Variants in KCNJ6 observed in about 807,000 individuals in gnomAD.
The protein encoded by KCNJ6 is G protein-activated inward rectifier potassium channel 2.
A neutral mutation model predicts 34.2 loss-of-function variants in KCNJ6; 9 were observed. The observed-to-expected ratio is 0.26, with a 90% CI of 0.16 to 0.46. The LOEUF (loss-of-function observed/expected upper bound fraction) is 0.46, where lower values mean the gene tolerates loss of function less well. KCNJ6 is among the 20% of genes least tolerant of loss of function. The probability of loss-of-function intolerance (pLI) is 1.00; values close to 1 mark genes in which losing one functional copy is unlikely to be tolerated. For synonymous variants in KCNJ6, 196 were observed against 207.1 expected (o/e 0.95, Z 0.46); for missense variants, 236 against 531.3 (o/e 0.44, Z 5.46).
intron 2 of KCNJ6, among the ~76,000 whole-genome samples, chr21:37,823,818 C>T (rs958488665): frequency 6.6e-6 from 1 of 152,108 alleles, no homozygotes. Context: ...TGGTGGTTCC[C>T]AGAGGCTAAG....
chr21:37,623,866 G>C lies in KCNJ6; in HGVS notation c.*1293C>G, dbSNP rs1414100341. On this transcript the variant is annotated 3_prime_UTR_variant, in exon 4 of 4. Coordinates refer to ENST00000609713, the MANE Select transcript of KCNJ6 (RefSeq NM_002240.5). ...TGCTGATGGATAAGCCCCAGGGACA[G>C]GCGAGATGTCATTCTCAGAAAGCCA... is the stretch of plus-strand genomic sequence containing the variant. The C allele has an allele frequency of 6.6e-6, 1 of 152,214 alleles. No homozygotes were observed. The highest frequency in any genetic ancestry group is 1.5e-5 in the Non-Finnish European group (1 of 68,038). The allele number at this position is 152,214 out of a possible 1,614,324, so 9.4% of individuals were successfully genotyped here. A position where few individuals can be genotyped will look rare whatever the true frequency, so the allele number is the denominator to read the frequency against.
rs1348710346 is a variant in KCNJ6, at chr21:37,617,129, T to TTCTG, written c.*8029_*8030insCAGA. 3 of 111,484 alleles carry TTCTG rather than the reference T, an allele frequency of 2.7e-5. No individual in the cohort carries two copies. In the East Asian group the frequency reaches 9.9e-4, roughly 37 times the overall value. 6.9% of individuals were successfully genotyped at this position (111,484 alleles called of 1,614,324 possible). On this transcript the variant is annotated 3_prime_UTR_variant, in exon 4 of 4. Transcript: ENST00000609713. ...CTTTCTTTCCTTCTTCCTTCCTTCC[T>TTCTG]TCTTTCTTTCCTTCCTTCCTTCCTT...
chr21:37,696,046 T>C (rs1231410428), intron 3 of KCNJ6, among the ~76,000 whole-genome samples: 3 of 152,222 alleles, frequency 2.0e-5, no homozygotes, highest in African/African-American at 7.2e-5. Context: ...CATACTGATA[T>C]AGATAGATCA....
rs1478602241 is a variant in KCNJ6, at chr21:37,859,480, TATTAC to T, written c.-27-18776_-27-18772del. Among the ~76,000 whole-genome samples the T allele has an allele frequency of 2.5e-5, 3 of 120,684 alleles. 1 individual carries two copies. The highest frequency in any genetic ancestry group is 1.0e-4 in the African/African-American group (3 of 29,830). 79.2% of individuals were successfully genotyped at this position (120,684 alleles called of 152,430 possible). ...GTCCACAATTTTAACTATGGGCTTA[TATTAC>T]TTTATATATATATATATATATATAT... On this transcript the variant is annotated intron_variant, in intron 1 of 3. Coordinates refer to ENST00000609713, the MANE Select transcript of KCNJ6 (RefSeq NM_002240.5).
At chr21:37,751,775 A>G (rs1045953659) in intron 2 of KCNJ6, among the ~76,000 whole-genome samples, 13 of 152,238 alleles carry the variant, frequency 8.5e-5, no homozygotes, top group Admixed American at 6.5e-5. Flanking sequence ...CTCATCACAA[A>G]CCAATGTAGT....
At chr21:37,796,780 T>TTTCTTTC (rs1491302035) in intron 2 of KCNJ6, among the ~76,000 whole-genome samples, 1 of 37,138 alleles carries the variant, frequency 2.7e-5, no homozygotes, top group African/African-American at 1.3e-4. Flanking sequence ...TCTTTCTTTC[T>TTTCTTTC]TTTTTTTTTT....
intron 3 of KCNJ6, among the ~76,000 whole-genome samples, chr21:37,676,379 C>T (rs1232116531): frequency 1.3e-5 from 2 of 152,202 alleles, no homozygotes; most frequent in African/African-American, 4.8e-5. Flanking sequence ...GAGGGAGGCC[C>T]TGCACTTTGC....
chr21:37,812,187 T>C (rs1023302605), intron 2 of KCNJ6, among the ~76,000 whole-genome samples: 15 of 152,152 alleles, frequency 9.9e-5, no homozygotes, highest in Admixed American at 9.8e-4. Context: ...TCATAAGTCC[T>C]GTTACCCTAG....
chr21:37,825,700 A>AT (rs939332449), intron 2 of KCNJ6, among the ~76,000 whole-genome samples: 6 of 152,150 alleles, frequency 3.9e-5, no homozygotes, highest in Non-Finnish European at 1.5e-5. Context: ...AGACTGGGTA[A>AT]TTTATATAGA....
rs1281224129 is a variant in KCNJ6, at chr21:37,619,368, T to A, written c.*5791A>T. On this transcript the variant is annotated 3_prime_UTR_variant, in exon 4 of 4. Coordinates refer to ENST00000609713, the MANE Select transcript of KCNJ6 (RefSeq NM_002240.5). Reference sequence around the variant, plus strand: ...CATCCATTATGTCTGTAATTACCAATCTTTGTCTTTGCTTCAGACTCAGAA... The same window carrying A: ...CATCCATTATGTCTGTAATTACCAAACTTTGTCTTTGCTTCAGACTCAGAA... The A allele has an allele frequency of 6.6e-6, 1 of 152,202 alleles. No homozygotes were observed. The highest frequency in any genetic ancestry group is 1.5e-5 in the Non-Finnish European group (1 of 68,040). The allele number at this position is 152,202 out of a possible 1,614,324, so 9.4% of individuals were successfully genotyped here.
chr21:37,761,269 G>T (rs1304823952), intron 2 of KCNJ6, among the ~76,000 whole-genome samples: 1 of 150,884 alleles, frequency 6.6e-6, no homozygotes, highest in Non-Finnish European at 1.5e-5. Context: ...TGTGTGTTGT[G>T]TGTGGTAGTG....
chr21:37,792,308 T>C (rs2055220725), intron 2 of KCNJ6, among the ~76,000 whole-genome samples: 1 of 152,212 alleles, frequency 6.6e-6, no homozygotes, highest in African/African-American at 2.4e-5. Flanking sequence ...TCTCAGTTCA[T>C]ATGCTGGCTG....
At chr21:37,728,077 A>G (rs1171955573) in intron 2 of KCNJ6, among the ~76,000 whole-genome samples, 1 of 152,258 alleles carries the variant, frequency 6.6e-6, no homozygotes, top group Non-Finnish European at 1.5e-5. Flanking sequence ...AGAAAAATGG[A>G]TAAACAAAAT....
At chr21:37,833,964 G>T (rs370686085) in intron 2 of KCNJ6, among the ~76,000 whole-genome samples, 5 of 152,182 alleles carry the variant, frequency 3.3e-5, no homozygotes, top group African/African-American at 1.2e-4. Flanking sequence ...CGAAAGCTTC[G>T]CCAAGCCTCT....
intron 2 of KCNJ6, among the ~76,000 whole-genome samples, chr21:37,800,585 C>T (rs535350770): frequency 1.1e-3 from 169 of 152,286 alleles, no homozygotes; most frequent in Non-Finnish European, 2.2e-3. Context: ...CTCTTTTATA[C>T]AGAGAGCTTA....
chr21:37,655,340 C>T (rs1467280893), intron 3 of KCNJ6, among the ~76,000 whole-genome samples: 1 of 151,954 alleles, frequency 6.6e-6, no homozygotes, highest in Non-Finnish European at 1.5e-5. Context: ...TCCACCAACA[C>T]CCTCCCCAGA....
intron 3 of KCNJ6, among the ~76,000 whole-genome samples, chr21:37,667,877 T>C (rs1196390658): frequency 4.6e-5 from 7 of 151,718 alleles, no homozygotes; most frequent in African/African-American, 1.7e-4. Context: ...GGCCAGAGCC[T>C]ACCTCGACTC....
At chr21:37,801,244 G>C (rs989026065) in intron 2 of KCNJ6, among the ~76,000 whole-genome samples, 1 of 152,092 alleles carries the variant, frequency 6.6e-6, no homozygotes, top group Non-Finnish European at 1.5e-5. Context: ...TTCATTTATT[G>C]TCTGGGTTTT....
chr21:37,893,800 G>A (rs1203329835), intron 1 of KCNJ6, among the ~76,000 whole-genome samples: 2 of 152,188 alleles, frequency 1.3e-5, no homozygotes, highest in African/African-American at 4.8e-5. Context: ...GAGAAAGGTA[G>A]AATTGACTTC....
Sources: allele counts gnomAD v4.1 joint callset (sites outside exome capture counted in the v4.1 genomes callset), GRCh38; gene constraint gnomAD v4.1.1; transcripts MANE v1.5; gene names NCBI Gene and HGNC (gene_info 2026-07-23, HGNC 2026-07-21).